GTF3C5: variants seen among roughly 807,000 people sequenced by gnomAD.
GTF3C5 encodes the protein general transcription factor IIIC subunit 5.
GTF3C5 carries 47 observed loss-of-function variants against 61.0 expected under a neutral mutation model. That is an observed-to-expected ratio of 0.77 (90% confidence interval 0.61 to 0.98). The LOEUF (loss-of-function observed/expected upper bound fraction) is 0.98, where lower values mean the gene tolerates loss of function less well. Ranked by LOEUF, GTF3C5 falls within the 50% of genes least tolerant of loss-of-function variation. The pLI is 0.00. For synonymous variants in GTF3C5, 295 were observed against 275.4 expected, an observed-to-expected ratio of 1.07 and a Z score of -0.71; for missense variants, 659 against 703.3, an observed-to-expected ratio of 0.94 and a Z score of 0.71.
At chr9:133,055,736 C>T in intron 8 of GTF3C5, 1 of 1,300,806 alleles carries the variant, frequency 7.7e-7, no homozygotes, top group Non-Finnish European at 9.8e-7. Context: ...AGCCCCATGC[C>T]ATGGGCGCCA....
intron 1 of GTF3C5, among the ~76,000 whole-genome samples, chr9:133,031,465 C>T (rs1849730299): frequency 6.6e-6 from 1 of 152,174 alleles, no homozygotes; most frequent in Non-Finnish European, 1.5e-5. Flanking sequence ...GATTCTCCTG[C>T]CTCAGCCTCC....
At chr9:133,049,542 C>G (rs1055347242) in intron 3 of GTF3C5, among the ~76,000 whole-genome samples, 4 of 152,196 alleles carry the variant, frequency 2.6e-5, no homozygotes, top group Non-Finnish European at 5.9e-5. Flanking sequence ...CCGAGACCTA[C>G]TTTAAGATGC....
intron 1 of GTF3C5, among the ~76,000 whole-genome samples, chr9:133,034,755 C>T (rs1446560154): frequency 1.3e-5 from 2 of 152,132 alleles, no homozygotes; most frequent in South Asian, 2.1e-4. Flanking sequence ...CTAGAGCTGG[C>T]GTCTGTGCTC....
At chr9:133,055,773 G>A (rs1044575120) in intron 8 of GTF3C5, 56 of 1,352,418 alleles carry the variant, frequency 4.1e-5, no homozygotes, top group Middle Eastern at 2.8e-4. Context: ...CGGGCTCACC[G>A]TTTCCAGTGG....
intron 1 of GTF3C5, 129 bp from the exon 2 acceptor site, chr9:133,041,958 C>T (rs988166370): frequency 1.6e-6 from 1 of 644,624 alleles, no homozygotes; most frequent in Non-Finnish European, 2.8e-6. Flanking sequence ...GAATTAAGGG[C>T]CCAGAATGAA....
At chr9:133,055,332 C>A (rs774731790) in intron 8 of GTF3C5, 1 of 1,355,276 alleles carries the variant, frequency 7.4e-7, no homozygotes, top group Admixed American at 2.2e-5. Context: ...GCATCCCGCA[C>A]GGTGGAATCA....
At chr9:133,050,198 C>A (rs757254931) in intron 3 of GTF3C5, among the ~76,000 whole-genome samples, 14 of 152,050 alleles carry the variant, frequency 9.2e-5, no homozygotes, top group Non-Finnish European at 1.3e-4. Flanking sequence ...CCAGGAGCTC[C>A]GTCTCTGGGC....
Position 133,031,064 on chromosome 9 carries a change from T to C in GTF3C5, c.53T>C (p.Leu18Pro). The C allele has an allele frequency of 6.2e-7, 1 of 1,611,510 alleles. No individual in the cohort carries two copies. Among genetic ancestry groups the C allele is most frequent in the Non-Finnish European group, 8.5e-7 (1 of 1,178,804 alleles). Residue 18 changes from leucine to proline, a missense_variant, in exon 1 of 11, where the codon CTG (leucine) becomes CCG (proline). By Grantham distance (98) the Leu-to-Pro change is moderately conservative (BLOSUM62 -3). Coordinates refer to ENST00000372097, the MANE Select transcript of GTF3C5 (RefSeq NM_012087.4). ...LGLGAAVPVELRRERRMVCVE... is the reference protein window; with the variant it reads ...LGLGAAVPVEPRRERRMVCVE... ...CTGGGGGCCGCCGTCCCCGTGGAGCTGAGGCGGGAGCGACGCATGGTGTGC... is the reference window on the plus strand; with the variant it reads ...CTGGGGGCCGCCGTCCCCGTGGAGCCGAGGCGGGAGCGACGCATGGTGTGC...
At chr9:133,056,148 C>T in intron 9 of GTF3C5, 54 bp downstream of exon 9, 1 of 1,465,156 alleles carries the variant, frequency 6.8e-7, no homozygotes, top group Non-Finnish European at 9.6e-7. Context: ...GACCCAGGGA[C>T]CAAAGCGGTC....
In GTF3C5 at chr9:133,056,091, AAG is replaced by A. The variant is rs1228180926; in HGVS notation, c.1250_1250+1del. On this transcript the variant is annotated frameshift_variant and splice_region_variant, in exon 9 of 11. Coordinates refer to ENST00000372097, the MANE Select transcript of GTF3C5 (RefSeq NM_012087.4). LOFTEE classifies it high-confidence loss of function. The stretch of plus-strand genomic sequence containing the variant: ...TACCAGTTATGCGACTTGAATGTGG[AAG>A]AGTACGTATGGGAGGGGCCCTGAGA... The A allele has an allele frequency of 6.2e-7, 1 of 1,613,682 alleles. No individual in the cohort carries two copies. The highest frequency in any genetic ancestry group is 1.3e-5 in the African/African-American group (1 of 75,024).
Position 133,042,106 on chromosome 9 carries a change from A to G in GTF3C5, c.173A>G (p.Lys58Arg). ...CCACAGATCTACGCAGACCCCACCA[A>G]GAGGCTGGAGCTGTACTTCCGGCCC... Reference protein sequence around the residue: ...GVSRIYADPTKRLELYFRPKD... With the variant: ...GVSRIYADPTRRLELYFRPKD... Residue 58 changes from lysine to arginine, a missense_variant, in exon 2 of 11, where the codon AAG (lysine) becomes AGG (arginine). Transcript: ENST00000372097. 6.2e-7 allele frequency: 1 copy of G among 1,613,742 alleles called. No individual in the cohort carries two copies. Among genetic ancestry groups the G allele is most frequent in the Non-Finnish European group, 8.5e-7 (1 of 1,179,894 alleles).
At chr9:133,055,231 T>C in intron 8 of GTF3C5, 1 of 1,498,478 alleles carries the variant, frequency 6.7e-7, no homozygotes, top group Non-Finnish European at 8.9e-7. Flanking sequence ...GTCAGTGCGG[T>C]TGCCCAGCGG....
chr9:133,051,180 T>C (rs1315175258), intron 4 of GTF3C5, among the ~76,000 whole-genome samples: 2 of 152,234 alleles, frequency 1.3e-5, no homozygotes, highest in Admixed American at 1.3e-4. Context: ...AGGTTGAAAA[T>C]GCTTCTTAGA....
At chr9:133,040,628 G>T (rs1207469372) in intron 1 of GTF3C5, among the ~76,000 whole-genome samples, 1 of 152,172 alleles carries the variant, frequency 6.6e-6, no homozygotes, top group Non-Finnish European at 1.5e-5. Context: ...AGCCCAAATG[G>T]TTGTTACTGA....
intron 8 of GTF3C5, chr9:133,055,409 C>A (rs1317668152): frequency 7.8e-7 from 1 of 1,280,402 alleles, no homozygotes. Context: ...ACTTGCTGTC[C>A]CCCAGTGTCT....
intron 10 of GTF3C5, among the ~76,000 whole-genome samples, chr9:133,057,279 C>T (rs1441178104): frequency 2.0e-5 from 3 of 152,212 alleles, no homozygotes; most frequent in African/African-American, 7.2e-5. Flanking sequence ...CTGTGTGGCC[C>T]AGCCCCTTCC....
upstream of GTF3C5, chr9:133,030,871 C>T: frequency 1.0e-6 from 1 of 968,064 alleles, no homozygotes; most frequent in Non-Finnish European, 1.6e-6. Flanking sequence ...TGGAGGCCCT[C>T]GCGTCTTGCT....
intron 1 of GTF3C5, among the ~76,000 whole-genome samples, chr9:133,040,235 A>AGAT (rs1018509333): frequency 5.6e-4 from 85 of 152,222 alleles, no homozygotes; most frequent in Admixed American, 5.5e-3. Flanking sequence ...TATGAGGAGG[A>AGAT]GATTCCTGAG....
At position 133,034,572 on chromosome 9, in the gene GTF3C5, A is replaced by C. The variant is rs549585476; in HGVS notation, c.153+3408A>C. On this transcript the variant is annotated intron_variant, in intron 1 of 10. Transcript: ENST00000372097. ...AGCCCATTTTTCCCTGTCTGTGGAC[A>C]TTACTCCTTTCACCTGGCGTGTAGT... Among the ~76,000 whole-genome samples, 3 of 152,300 alleles carry C rather than the reference A, an allele frequency of 2.0e-5. No individual in the cohort carries two copies. The East Asian group carries it at 5.8e-4, about 29-fold the overall frequency.
Sources: allele counts gnomAD v4.1 joint callset (sites outside exome capture counted in the v4.1 genomes callset), GRCh38; gene constraint gnomAD v4.1.1; transcripts MANE v1.5; gene names NCBI Gene and HGNC (gene_info 2026-07-23, HGNC 2026-07-21).